The following POR variants were observed in gnomAD, a reference collection of about 807,000 sequenced individuals.
POR encodes the protein NADPH--cytochrome P450 reductase.
In POR, 56 loss-of-function variants were observed where a neutral mutation model predicts 84.0. That is an observed-to-expected ratio of 0.67 (90% confidence interval 0.54 to 0.83). The LOEUF (loss-of-function observed/expected upper bound fraction) is 0.83. Among genes scored for constraint, POR ranks in the 40% least tolerant of loss-of-function variants. The probability of loss-of-function intolerance (pLI) is 0.00; values close to 1 mark genes in which losing one functional copy is unlikely to be tolerated. For missense variants in POR, 938 were observed against 944.3 expected (o/e 0.99, Z 0.09); for synonymous variants, 414 against 400.5 (o/e 1.03, Z -0.40).
intron 1 of POR, among the ~76,000 whole-genome samples, chr7:75,936,086 C>CTTTTTTTTTTTTTTTT (rs869164954): frequency 4.0e-5 from 4 of 99,790 alleles, no homozygotes; most frequent in Non-Finnish European, 7.8e-5. Flanking sequence ...TTCTTTCTTT[C>CTTTTTTTTTTTTTTTT]TTTTTTTTTT....
In POR at chr7:75,954,198, G is replaced by C. The variant is rs1554553416; in HGVS notation, c.188+18G>C. The C allele has an allele frequency of 6.3e-7, 1 of 1,591,488 alleles. No individual in the cohort carries two copies. The highest frequency in any genetic ancestry group is 8.6e-7 in the Non-Finnish European group (1 of 1,165,132). On this transcript the variant is annotated intron_variant, in intron 2 of 15. Transcript: ENST00000461988. ...CAGACATTGTAAGTGCCGCCTCTCAGCCTCCTCTCTCTGTCCCTCTTCTGT... is the reference window on the plus strand; with the variant it reads ...CAGACATTGTAAGTGCCGCCTCTCACCCTCCTCTCTCTGTCCCTCTTCTGT...
Position 75,948,641 on chromosome 7 carries a change from T to C in POR, c.-4-5348T>C, listed in dbSNP as rs147617683. On this transcript the variant is annotated intron_variant, in intron 1 of 15. Coordinates refer to ENST00000461988, the MANE Select transcript of POR (RefSeq NM_000941.3). ...GATTATAAAGGCATTCCATAGTCTG[T>C]ATGCCAAGCACTGCCAATCCAGGTA... is the stretch of plus-strand genomic sequence containing the variant. Among the ~76,000 whole-genome samples the C allele has an allele frequency of 6.7e-3, 1,024 of 152,338 alleles. 12 individuals carry two copies. The highest frequency in any genetic ancestry group is 0.027 in the Middle Eastern group (8 of 294).
chr7:75,937,471 CAAAAAAAAAAAAA>C (rs782343328), intron 1 of POR, among the ~76,000 whole-genome samples: 38 of 20,144 alleles, frequency 1.9e-3, no homozygotes, highest in African/African-American at 6.2e-3. Flanking sequence ...GACCCTGTCT[CAAAAAAAAAAAAA>C]AAAAAAAAAA....
intron 2 of POR, among the ~76,000 whole-genome samples, chr7:75,956,395 T>C (rs1178162273): frequency 5.3e-5 from 8 of 152,226 alleles, no homozygotes; most frequent in Non-Finnish European, 8.8e-5. Context: ...TCCCAGACAC[T>C]ATGCTAAGGT....
rs1788697950 is a variant in POR, at chr7:75,976,478, C to T, written c.238-2973C>T. ...AAATCCTTTTGGCCGGGTGCAGTGGCTCATGTCTGTAATCCCAGCACTTTG... is the reference window on the plus strand; with the variant it reads ...AAATCCTTTTGGCCGGGTGCAGTGGTTCATGTCTGTAATCCCAGCACTTTG... On this transcript the variant is annotated intron_variant, in intron 3 of 15. Transcript: ENST00000461988. Among the ~76,000 whole-genome samples, 4 of 149,080 alleles carry T rather than the reference C, an allele frequency of 2.7e-5. No individual in the cohort carries two copies. The South Asian group carries it at 8.5e-4, about 32-fold the overall frequency.
At chr7:75,957,640 T>C (rs1787745549) in intron 2 of POR, among the ~76,000 whole-genome samples, 1 of 152,186 alleles carries the variant, frequency 6.6e-6, no homozygotes, top group African/African-American at 2.4e-5. Flanking sequence ...ACATAAAACC[T>C]GTAGACTGTG....
chr7:75,929,387 C>T (rs1172413233), intron 1 of POR, among the ~76,000 whole-genome samples: 8 of 152,112 alleles, frequency 5.3e-5, no homozygotes, highest in Admixed American at 1.3e-4. Flanking sequence ...CCTCAGCCTC[C>T]TGAGTAGCTG....
chr7:75,980,469 T>G lies in POR; in HGVS notation c.497T>G (p.Leu166Arg). Residue 166 changes from leucine to arginine, a missense_variant, in exon 5 of 16, where the codon CTC (leucine) becomes CGC (arginine). Coordinates refer to ENST00000461988, the MANE Select transcript of POR (RefSeq NM_000941.3). ...TGGCTGCAGGAGACAGACGTGGATCTCTCTGGGGTCAAGTTCGCGGTGAGT... is the reference window on the plus strand; with the variant it reads ...TGGCTGCAGGAGACAGACGTGGATCGCTCTGGGGTCAAGTTCGCGGTGAGT... The G allele has an allele frequency of 6.2e-7, 1 of 1,612,886 alleles. No individual in the cohort carries two copies. Among genetic ancestry groups the G allele is most frequent in the South Asian group, 1.1e-5 (1 of 91,052 alleles).
chr7:75,971,728 G>T (rs782797347), intron 2 of POR, among the ~76,000 whole-genome samples: 2 of 152,108 alleles, frequency 1.3e-5, no homozygotes, highest in Admixed American at 1.3e-4. Flanking sequence ...TGACCCTTGC[G>T]CAGGACCTTG....
Position 75,944,703 on chromosome 7 carries a change from A to G in POR, c.-4-9286A>G, listed in dbSNP as rs549953822. On this transcript the variant is annotated intron_variant, in intron 1 of 15. Coordinates refer to ENST00000461988, the MANE Select transcript of POR (RefSeq NM_000941.3). ...GACACAGATGTTGGAATTAAGATAT[A>G]GAGAAGAATGAAACAGATGTCTTAG... 4.6e-5 allele frequency among the ~76,000 whole-genome samples: 7 copies of G among 152,322 alleles called. No homozygotes were observed. The East Asian group carries it at 1.3e-3, about 29-fold the overall frequency.
intron 1 of POR, among the ~76,000 whole-genome samples, chr7:75,953,568 G>A (rs1368271365): frequency 6.6e-6 from 1 of 152,122 alleles, no homozygotes; most frequent in African/African-American, 2.4e-5. Flanking sequence ...ACCCCCGCCA[G>A]CCACACAGCT....
chr7:75,976,069 T>C (rs1788673109), intron 3 of POR, among the ~76,000 whole-genome samples: 1 of 152,130 alleles, frequency 6.6e-6, no homozygotes, highest in Non-Finnish European at 1.5e-5. Flanking sequence ...GCGTGAGTCC[T>C]TTGTGTGTAG....
chr7:75,952,926 C>G (rs1261824541), intron 1 of POR, among the ~76,000 whole-genome samples: 14 of 151,880 alleles, frequency 9.2e-5, no homozygotes, highest in Admixed American at 7.9e-4. Flanking sequence ...GGGTGGCGGC[C>G]GGGCAGAGGC....
Position 75,985,441 on chromosome 7 carries a change from G to A in POR, c.1399-138G>A, listed in dbSNP as rs1214221419. 3 of 1,195,940 alleles carry A rather than the reference G, an allele frequency of 2.5e-6. No homozygotes were observed. The African/African-American group carries it at 4.6e-5, about 18-fold the overall frequency. 74.1% of individuals were successfully genotyped at this position (1,195,940 alleles called of 1,614,324 possible). On this transcript the variant is annotated intron_variant, in intron 12 of 15. Transcript: ENST00000461988. ...ACCAGTCCGGGAAGCCGCTGGGGAG[G>A]GGGCCTCTGAGGTTTGGGTGCCAGG...
At chr7:75,960,804 C>T (rs1787902890) in intron 2 of POR, among the ~76,000 whole-genome samples, 1 of 152,172 alleles carries the variant, frequency 6.6e-6, no homozygotes, top group South Asian at 2.1e-4. Flanking sequence ...GGAAGCTTCT[C>T]AGAGAATGGC....
chr7:75,963,765 G>A (rs1788051314), intron 2 of POR, among the ~76,000 whole-genome samples: 2 of 152,090 alleles, frequency 1.3e-5, no homozygotes, highest in South Asian at 4.2e-4. Flanking sequence ...CCACATGCTG[G>A]TAGAGCCCAG....
chr7:75,955,099 C>A (rs1787627983), intron 2 of POR, among the ~76,000 whole-genome samples: 1 of 152,162 alleles, frequency 6.6e-6, no homozygotes. Flanking sequence ...ACCTTGGTCT[C>A]CCAGAGTGTC....
At chr7:75,953,773 TG>T (rs1787555395) in intron 1 of POR, among the ~76,000 whole-genome samples, 1 of 152,182 alleles carries the variant, frequency 6.6e-6, no homozygotes. Context: ...GGGCTGGTGC[TG>T]ACACCACTGG....
chr7:75,985,542 CGG>C (rs782687634), intron 12 of POR, 35 bp from the exon 13 acceptor site: 30 of 1,492,526 alleles, frequency 2.0e-5, no homozygotes, highest in Non-Finnish European at 2.7e-5. Context: ...GCAAGGGCCT[CGG>C]TGTGGCGGTG....
Sources: allele counts gnomAD v4.1 joint callset (sites outside exome capture counted in the v4.1 genomes callset), GRCh38; gene constraint gnomAD v4.1.1; transcripts MANE v1.5; gene names NCBI Gene and HGNC (gene_info 2026-07-23, HGNC 2026-07-21).